HIVEP3: variants seen among roughly 807,000 people sequenced by gnomAD.
HIVEP3 encodes the protein transcription factor HIVEP3.
HIVEP3 carries 49 observed loss-of-function variants against 152.8 expected under a neutral mutation model. The ratio of observed to expected loss-of-function variants is 0.32; its 90% CI spans 0.26 to 0.41. HIVEP3 has a LOEUF of 0.41. HIVEP3 is among the 10% of genes least tolerant of loss of function. HIVEP3 has a pLI of 1.00. For missense variants in HIVEP3, 2,790 were observed against 3,103.3 expected (o/e 0.90, Z 2.40); for synonymous variants, 1,269 against 1,289.0 (o/e 0.98, Z 0.33).
chr1:41,776,845 C>T (rs1448007393), intron 1 of HIVEP3, among the ~76,000 whole-genome samples: 1 of 152,314 alleles, frequency 6.6e-6, no homozygotes, highest in East Asian at 1.9e-4. Context: ...CTATTCCTCC[C>T]TCCCTTCACT....
chr1:41,618,057 G>A (rs544946553), intron 3 of HIVEP3, among the ~76,000 whole-genome samples: 30 of 152,294 alleles, frequency 2.0e-4, no homozygotes, highest in African/African-American at 3.9e-4. Flanking sequence ...CTAGAAAGGC[G>A]TAGTGTAAAT....
chr1:41,904,571 G>A (rs1056834297), intron 1 of HIVEP3, among the ~76,000 whole-genome samples: 4 of 152,272 alleles, frequency 2.6e-5, no homozygotes, highest in East Asian at 1.9e-4. Context: ...AAAGGAGGCC[G>A]TGATATGGTA....
chr1:41,747,354 A>G (rs1296955427), intron 1 of HIVEP3, among the ~76,000 whole-genome samples: 1 of 152,208 alleles, frequency 6.6e-6, no homozygotes, highest in African/African-American at 2.4e-5. Flanking sequence ...CCATGCACCC[A>G]TGGCAGTGCC....
At chr1:42,009,385 G>A (rs4111114) in intron 1 of HIVEP3, among the ~76,000 whole-genome samples, 68,037 of 151,978 alleles carry the variant, frequency 0.45, 16,810 homozygotes, top group East Asian at 0.71. Context: ...GGAAACTAAG[G>A]CATTTAAATG....
intron 5 of HIVEP3, among the ~76,000 whole-genome samples, chr1:41,574,793 G>A (rs1644302880): frequency 6.6e-6 from 1 of 152,292 alleles, no homozygotes. Flanking sequence ...GAACGCCATG[G>A]GACCTGCTCA....
chr1:41,790,518 A>T (rs1282129946), intron 1 of HIVEP3, among the ~76,000 whole-genome samples: 1 of 152,204 alleles, frequency 6.6e-6, no homozygotes, highest in Non-Finnish European at 1.5e-5. Context: ...AATGTTGCTT[A>T]ATCTCTCTGT....
chr1:41,675,136 C>A (rs1645935832), intron 2 of HIVEP3, among the ~76,000 whole-genome samples: 2 of 152,306 alleles, frequency 1.3e-5, no homozygotes, highest in South Asian at 2.1e-4. Flanking sequence ...GTGCCCCATG[C>A]CTGTCCTGCT....
chr1:41,912,220 A>G (rs1644807577), intron 1 of HIVEP3, among the ~76,000 whole-genome samples: 3 of 152,172 alleles, frequency 2.0e-5, no homozygotes, highest in African/African-American at 7.2e-5. Context: ...GGAGGTACAC[A>G]GGGGATGTCA....
chr1:41,744,624 T>C (rs1273065236), intron 1 of HIVEP3, among the ~76,000 whole-genome samples: 3 of 152,262 alleles, frequency 2.0e-5, no homozygotes, highest in African/African-American at 2.4e-5. Flanking sequence ...TTTGTTTTTC[T>C]GAAAATTCTA....
chr1:41,712,789 C>T (rs536726619), intron 1 of HIVEP3, among the ~76,000 whole-genome samples: 4 of 152,344 alleles, frequency 2.6e-5, no homozygotes, highest in African/African-American at 9.6e-5. Flanking sequence ...CTCCATCCTC[C>T]CTGGGGAGAA....
intron 6 of HIVEP3, among the ~76,000 whole-genome samples, chr1:41,521,491 G>A (rs1642759232): frequency 1.3e-5 from 2 of 152,308 alleles, no homozygotes; most frequent in South Asian, 2.1e-4. Context: ...AGTGCTGTCC[G>A]GGTCCCTCTG....
At chr1:41,906,392 G>A (rs1193682913) in intron 1 of HIVEP3, among the ~76,000 whole-genome samples, 1 of 152,152 alleles carries the variant, frequency 6.6e-6, no homozygotes, top group Non-Finnish European at 1.5e-5. Flanking sequence ...TACACAACAT[G>A]GATGAATCTC....
chr1:41,822,942 C>A (rs1642652144), intron 1 of HIVEP3, among the ~76,000 whole-genome samples: 1 of 152,196 alleles, frequency 6.6e-6, no homozygotes, highest in Admixed American at 6.5e-5. Flanking sequence ...ACGCTATGGA[C>A]TGAATTGTCT....
At chr1:41,709,752 C>T (rs898754508) in intron 1 of HIVEP3, among the ~76,000 whole-genome samples, 59 of 152,162 alleles carry the variant, frequency 3.9e-4, no homozygotes, top group African/African-American at 1.3e-3. Context: ...GTCACTGACA[C>T]GGCAAAGTTT....
chr1:41,607,638 T>C lies in HIVEP3; in HGVS notation c.-522+21111A>G, dbSNP rs912517011. On this transcript the variant is annotated intron_variant, in intron 3 of 8. Transcript: ENST00000372583. ...ATTTTAGGCCTTCTCTTTCATTCTA[T>C]TGGTTTGCTTCCAATGTTTGGTGAT... Among the ~76,000 whole-genome samples the C allele has an allele frequency of 4.6e-5, 7 of 152,208 alleles. No individual in the cohort carries two copies. In the East Asian group the frequency reaches 1.3e-3, roughly 29 times the overall value.
chr1:41,602,929 C>T (rs949818582), intron 3 of HIVEP3, among the ~76,000 whole-genome samples: 1 of 151,778 alleles, frequency 6.6e-6, no homozygotes, highest in African/African-American at 2.4e-5. Context: ...TTTCATTTCT[C>T]TTGAGGTATT....
chr1:41,544,844 T>TACC (rs1309800542), intron 5 of HIVEP3, among the ~76,000 whole-genome samples: 5 of 11,844 alleles, frequency 4.2e-4, no homozygotes, highest in South Asian at 4.3e-3. Flanking sequence ...CCACCACCAC[T>TACC]ACCACCACCA....
chr1:41,690,170 G>A (rs1295062777), intron 2 of HIVEP3, among the ~76,000 whole-genome samples: 1 of 152,242 alleles, frequency 6.6e-6, no homozygotes, highest in African/African-American at 2.4e-5. Context: ...GGACAGGTGA[G>A]TAGAAAGACA....
chr1:41,713,802 C>A (rs753953809), intron 1 of HIVEP3, among the ~76,000 whole-genome samples: 1 of 152,216 alleles, frequency 6.6e-6, no homozygotes, highest in Non-Finnish European at 1.5e-5. Flanking sequence ...TAAGACCTGC[C>A]ATGCTGAGCT....
Sources: gnomAD v4.1 joint callset for allele counts (sites outside exome capture counted in the v4.1 genomes callset) on GRCh38, gnomAD v4.1.1 for gene constraint, MANE v1.5 for transcripts, NCBI Gene and HGNC (gene_info 2026-07-23, HGNC 2026-07-21) for gene names.